Variants in RSPH10B observed in about 807,000 individuals in gnomAD.
RSPH10B encodes radial spoke head 10 homolog B (Chlamydomonas).
Under a neutral mutation model 52.5 loss-of-function variants are expected in RSPH10B, and 7 were observed. The observed-to-expected ratio is 0.13, with a 90% CI of 0.08 to 0.25. RSPH10B has a LOEUF of 0.25. Among genes scored for constraint, RSPH10B ranks in the 10% least tolerant of loss-of-function variants. RSPH10B has a pLI of 1.00. For missense variants in RSPH10B, 89 were observed against 542.5 expected (o/e 0.16, Z 8.30); for synonymous variants, 28 against 193.2 (o/e 0.14, Z 7.09).
chr7:5,933,625 G>T (rs1481570539), intron 16 of RSPH10B, among the ~76,000 whole-genome samples: 1 of 133,906 alleles, frequency 7.5e-6, no homozygotes, highest in Non-Finnish European at 1.7e-5. Context: ...CCGGGCGTGG[G>T]GGTGGGTGCC....
At position 5,957,781 on chromosome 7, in the gene RSPH10B, CAGAG is replaced by C. The variant is rs573247329; in HGVS notation, c.780+122_780+125del. On this transcript the variant is annotated intron_variant, in intron 6 of 18. Coordinates refer to ENST00000337579, the Ensembl canonical transcript of RSPH10B. ...AGTGCACTCCAGCCTGGGAGACAGA[CAGAG>C]AGAGACTCTGTCTCAAAACAAAAAC... The C allele has an allele frequency of 5.1e-4, 679 of 1,342,148 alleles. 20 individuals are homozygous for C. In the Middle Eastern group the frequency reaches 5.2e-3, roughly 10 times the overall value. The allele number at this position is 1,342,148 out of a possible 1,614,324, so 83.1% of individuals were successfully genotyped here.
chr7:5,928,658 A>G (rs71232867), intron 17 of RSPH10B, among the ~76,000 whole-genome samples: 4,976 of 122,894 alleles, frequency 0.04, 190 homozygotes, highest in East Asian at 0.28. Flanking sequence ...TGGAGACAGA[A>G]TCTCACTCTG....
rs1276903573 is a variant in RSPH10B at position 5,944,804 on chromosome 7, C to CA, written c.1529+259dup. Among the ~76,000 whole-genome samples the CA allele has an allele frequency of 1.2e-4, 17 of 144,142 alleles. 1 individual carries two copies. Among genetic ancestry groups the CA allele is most frequent in the East Asian group, 3.9e-4 (2 of 5,118 alleles). 94.6% of individuals were successfully genotyped at this position (144,142 alleles called of 152,430 possible). On this transcript the variant is annotated intron_variant, in intron 11 of 18. Transcript: ENST00000337579. Reference sequence around the variant, plus strand: ...TGAAACCCCGTCTCTACTAAAAATACAAAAAAAAATTAGCCAGGCATGGTG... The same window carrying CA: ...TGAAACCCCGTCTCTACTAAAAATACAAAAAAAAAATTAGCCAGGCATGGTG...
At chr7:5,941,670 G>A (rs887349219) in intron 13 of RSPH10B, among the ~76,000 whole-genome samples, 2 of 141,620 alleles carry the variant, frequency 1.4e-5, no homozygotes, top group Non-Finnish European at 3.2e-5. Flanking sequence ...CTTGAACCCG[G>A]GAGGCGGAGG....
chr7:5,928,521 G>A (rs1779645378), intron 17 of RSPH10B, 127 bp from the exon 20 acceptor site: 3 of 1,431,916 alleles, frequency 2.1e-6, no homozygotes, highest in Non-Finnish European at 2.9e-6. Context: ...GAGGGGAGAG[G>A]AGTAAGGACG....
In RSPH10B at chr7:5,954,495, G is replaced by A. The variant is rs1019225660; in HGVS notation, c.958-1276C>T. 3.6e-4 allele frequency among the ~76,000 whole-genome samples: 5 copies of A among 13,906 alleles called. No homozygotes were observed. In the East Asian group the frequency reaches 9.3e-3, roughly 26 times the overall value. The allele number at this position is 13,906 out of a possible 152,430, so 9.1% of individuals were successfully genotyped here. Reference sequence around the variant, plus strand: ...AATAGTCAGTTACTGATTCAGAAGTGGGCAAATGACCCAATTTGGCTCTGT... The same window carrying A: ...AATAGTCAGTTACTGATTCAGAAGTAGGCAAATGACCCAATTTGGCTCTGT... On this transcript the variant is annotated intron_variant, in intron 7 of 18. Coordinates refer to ENST00000337579, the Ensembl canonical transcript of RSPH10B.
chr7:5,927,861 G>A lies in RSPH10B; in HGVS notation c.2432+335C>T, dbSNP rs563772118. Among the ~76,000 whole-genome samples the A allele has an allele frequency of 2.2e-4, 33 of 147,066 alleles. No individual in the cohort carries two copies. The East Asian group carries it at 5.3e-3, about 24-fold the overall frequency. ...TGAGGCAAGAGAATCGCTTGAACCC[G>A]GGAGGCGGAGGTTGCAGTGAGCTGA... On this transcript the variant is annotated intron_variant, in intron 18 of 18. Transcript: ENST00000337579.
chr7:5,928,734 C>T (rs1375081288), intron 17 of RSPH10B, among the ~76,000 whole-genome samples: 88 of 149,902 alleles, frequency 5.9e-4, no homozygotes, highest in Non-Finnish European at 1.0e-3. Flanking sequence ...TGGGTTCAAG[C>T]GATTCTCATG....
chr7:5,926,374 T>TTTC (rs573685130), exon 19 of RSPH10B: 1 of 1,450,958 alleles, frequency 6.9e-7, no homozygotes. Flanking sequence ...CTCTCTACTT[T>TTTC]TTCTTCTTCT....
chr7:5,942,926 ATTT>A (rs10616078), intron 13 of RSPH10B, among the ~76,000 whole-genome samples: 2 of 141,044 alleles, frequency 1.4e-5, no homozygotes, highest in South Asian at 2.2e-4. Context: ...ATATATATAT[ATTT>A]TTTTTTAAGA....
chr7:5,931,108 AT>A, intron 17 of RSPH10B, among the ~76,000 whole-genome samples: 1 of 130,748 alleles, frequency 7.6e-6, no homozygotes, highest in Non-Finnish European at 1.7e-5. Context: ...TAATTTTTGT[AT>A]TTTTAGTAGA....
chr7:5,927,054 G>GTGTATATT (rs1779494291), intron 18 of RSPH10B, among the ~76,000 whole-genome samples: 1 of 77,180 alleles, frequency 1.3e-5, no homozygotes, highest in African/African-American at 5.8e-5. Context: ...TGTATTATGT[G>GTGTATATT]TGTGTGTGTG....
At chr7:5,928,627 CTTTTTTGTTTTTTT>C (rs1779654154) in intron 17 of RSPH10B, among the ~76,000 whole-genome samples, 2 of 135,108 alleles carry the variant, frequency 1.5e-5, no homozygotes, top group Non-Finnish European at 3.2e-5. Context: ...CTCGTTTTTT[CTTTTTTGTTTTTTT>C]TTTTTTTGGA....
At position 5,957,838 on chromosome 7, in the gene RSPH10B, A is replaced by G. The variant is rs182044705; in HGVS notation, c.780+69T>C. 7.9e-4 allele frequency: 1,163 copies of G among 1,465,332 alleles called. 64 individuals are homozygous for G. The African/African-American group carries it at 9.9e-3, about 13-fold the overall frequency. The allele number at this position is 1,465,332 out of a possible 1,614,324, so 90.8% of individuals were successfully genotyped here. A position where few individuals can be genotyped will look rare whatever the true frequency, so the allele number is the denominator to read the frequency against. Reference sequence around the variant, plus strand: ...AAACAAAAACAAAACCCAAAAAGAAATATACATGTGTTGAGAATCGGCGGA... The same window carrying G: ...AAACAAAAACAAAACCCAAAAAGAAGTATACATGTGTTGAGAATCGGCGGA... On this transcript the variant is annotated intron_variant, in intron 6 of 18. Transcript: ENST00000337579.
chr7:5,966,126 T>G (rs1423210508), intron 1 of RSPH10B, among the ~76,000 whole-genome samples: 1 of 81,606 alleles, frequency 1.2e-5, no homozygotes, highest in African/African-American at 4.9e-5. Flanking sequence ...AGATGGAGTT[T>G]CACCATATTG....
upstream of RSPH10B, among the ~76,000 whole-genome samples, chr7:5,968,715 A>G (rs1388272382): frequency 6.3e-4 from 42 of 66,878 alleles, 7 homozygotes; most frequent in East Asian, 1.4e-3. Context: ...TCACCGGGTT[A>G]GCCAGGATGG....
chr7:5,940,367 G>C (rs1780128973), intron 13 of RSPH10B, among the ~76,000 whole-genome samples: 1 of 13,688 alleles, frequency 7.3e-5, no homozygotes, highest in Admixed American at 9.0e-4. Context: ...GCCTGGCATG[G>C]TGGCACGCAC....
intron 17 of RSPH10B, 40 bp downstream of exon 19, chr7:5,932,740 AAC>A (rs1438315167): frequency 9.0e-6 from 2 of 222,028 alleles, no homozygotes; most frequent in African/African-American, 9.1e-5. Flanking sequence ...ATTCATAAGC[AAC>A]AGTTTGTAAA....
exon 13 of RSPH10B, chr7:5,943,434 T>G: frequency 6.3e-7 from 1 of 1,597,538 alleles, no homozygotes; most frequent in Non-Finnish European, 8.5e-7. Context: ...ATGTAACTCA[T>G]AGAGTAGAGC....
Sources: allele counts gnomAD v4.1 joint callset (sites outside exome capture counted in the v4.1 genomes callset), GRCh38; gene constraint gnomAD v4.1.1; transcripts MANE v1.5; gene names NCBI Gene and HGNC (gene_info 2026-07-23, HGNC 2026-07-21).